The following THSD7A variants were observed in gnomAD, a reference collection of about 807,000 sequenced individuals.
The protein encoded by THSD7A is thrombospondin type 1 domain containing 7A.
THSD7A carries 96 observed loss-of-function variants against 231.3 expected under a neutral mutation model. That is an observed-to-expected ratio of 0.41 (90% CI 0.35 to 0.49). THSD7A has a LOEUF of 0.49. THSD7A is among the 20% of genes least tolerant of loss of function. The pLI, the probability that THSD7A is intolerant of heterozygous loss-of-function variation, is 0.05. For missense variants in THSD7A, 2,290 were observed against 2,070.2 expected (o/e 1.11, Z -2.06); for synonymous variants, 940 against 743.3 (o/e 1.26, Z -4.30).
Position 11,406,533 on chromosome 7 carries a change from A to C in THSD7A, c.4063-59T>G. 1.4e-6 allele frequency: 2 copies of C among 1,474,188 alleles called. No individual in the cohort carries two copies. Among genetic ancestry groups the C allele is most frequent in the South Asian group, 1.4e-5 (1 of 72,850 alleles). 91.3% of individuals were successfully genotyped at this position (1,474,188 alleles called of 1,614,324 possible). A position where few individuals can be genotyped will look rare whatever the true frequency, so the allele number is the denominator to read the frequency against. ...AGAGAAATACTTCATTAGAGAGCTC[A>C]TCACTTAGTTATCTCTGCACCACTG... is the stretch of plus-strand genomic sequence containing the variant. On this transcript the variant is annotated intron_variant, in intron 21 of 27. Transcript: ENST00000423059. The surrounding 1 kb of genome is among the most constrained non-coding windows in gnomAD (Gnocchi z 4.7).
intron 1 of THSD7A, among the ~76,000 whole-genome samples, chr7:11,798,873 A>G (rs975736849): frequency 6.6e-6 from 1 of 151,906 alleles, no homozygotes; most frequent in Non-Finnish European, 1.5e-5. Flanking sequence ...TTTCCTGCCT[A>G]TTTATCTATT....
chr7:11,812,787 T>A (rs555688679), intron 1 of THSD7A, among the ~76,000 whole-genome samples: 14 of 152,188 alleles, frequency 9.2e-5, no homozygotes, highest in Non-Finnish European at 1.9e-4. Flanking sequence ...TATAGAAAAT[T>A]TCATTTTTAG....
intron 6 of THSD7A, among the ~76,000 whole-genome samples, chr7:11,504,466 T>A (rs995276263): frequency 6.6e-6 from 1 of 152,264 alleles, no homozygotes; most frequent in Middle Eastern, 3.4e-3. Context: ...TCATCACATG[T>A]AGGCCCAAAC....
chr7:11,408,413 G>A (rs1448194345), intron 19 of THSD7A, among the ~76,000 whole-genome samples: 2 of 151,624 alleles, frequency 1.3e-5, no homozygotes, highest in Admixed American at 6.6e-5. Flanking sequence ...CAGGAGAATT[G>A]CTTGAACCCA....
chr7:11,592,271 T>G (rs1272613752), intron 3 of THSD7A, among the ~76,000 whole-genome samples: 2 of 152,200 alleles, frequency 1.3e-5, no homozygotes, highest in Non-Finnish European at 1.5e-5. Context: ...CTATTTTTTT[T>G]GTTGTTGTTA....
Position 11,719,624 on chromosome 7 carries a change from T to G in THSD7A, c.191-82663A>C, listed in dbSNP as rs573669020. Among the ~76,000 whole-genome samples the G allele has an allele frequency of 2.5e-4, 38 of 151,676 alleles. No homozygotes were observed. The South Asian group carries it at 7.5e-3, about 30-fold the overall frequency. On this transcript the variant is annotated intron_variant, in intron 1 of 27. Coordinates refer to ENST00000423059, the MANE Select transcript of THSD7A (RefSeq NM_015204.3). ...CATGCCCAGTGATCCCCTCAATGAG[T>G]TATTTTTCTCCTCCTCAACTCCACT...
chr7:11,379,698 TCAC>T lies in THSD7A; in HGVS notation c.4519_4521del (p.Val1507del). On this transcript the variant is annotated inframe_deletion, in exon 25 of 28. Coordinates refer to ENST00000423059, the MANE Select transcript of THSD7A (RefSeq NM_015204.3). Reference sequence around the variant, plus strand: ...GACCTGTCGGCATCAGGCTGGCTCATCACCAAGCAGCCCCCTGCGGAACAGAAA... The same window carrying T: ...GACCTGTCGGCATCAGGCTGGCTCATCAAGCAGCCCCCTGCGGAACAGAAA... The T allele has an allele frequency of 6.3e-7, 1 of 1,590,540 alleles. No individual in the cohort carries two copies. Among genetic ancestry groups the T allele is most frequent in the Non-Finnish European group, 8.6e-7 (1 of 1,167,606 alleles).
Position 11,395,594 on chromosome 7 carries a change from C to G in THSD7A, c.4411+6201G>C, listed in dbSNP as rs1783153198. Among the ~76,000 whole-genome samples, 5 of 150,668 alleles carry G rather than the reference C, an allele frequency of 3.3e-5. No homozygotes were observed. In the South Asian group the frequency reaches 1.1e-3, roughly 32 times the overall value. ...CCAGGCTGTAGTGCAGTGGCACTATCTCAGCTCACTGCAACCTCCACCTCC... is the reference window on the plus strand; with the variant it reads ...CCAGGCTGTAGTGCAGTGGCACTATGTCAGCTCACTGCAACCTCCACCTCC... On this transcript the variant is annotated intron_variant, in intron 23 of 27. Coordinates refer to ENST00000423059, the MANE Select transcript of THSD7A (RefSeq NM_015204.3).
intron 22 of THSD7A, among the ~76,000 whole-genome samples, chr7:11,405,815 C>T (rs1783562638): frequency 6.6e-6 from 1 of 152,044 alleles, no homozygotes; most frequent in African/African-American, 2.4e-5. Context: ...AATTATTTTT[C>T]TATATTTTAT....
At chr7:11,533,934 T>C (rs1788808364) in intron 6 of THSD7A, among the ~76,000 whole-genome samples, 1 of 152,186 alleles carries the variant, frequency 6.6e-6, no homozygotes, top group Non-Finnish European at 1.5e-5. Flanking sequence ...GAATGCTTCC[T>C]GTTTTTCTCA....
At chr7:11,509,159 T>A (rs939774643) in intron 6 of THSD7A, among the ~76,000 whole-genome samples, 14 of 152,224 alleles carry the variant, frequency 9.2e-5, no homozygotes, top group South Asian at 2.1e-4. Context: ...TATTAACTTT[T>A]AAATTTAACT....
rs772818271 is a variant in THSD7A at position 11,636,751 on chromosome 7, G to A, written c.401C>T (p.Pro134Leu). 4 of 1,613,780 alleles carry A rather than the reference G, an allele frequency of 2.5e-6. No individual in the cohort carries two copies. The highest frequency in any genetic ancestry group is 1.3e-5 in the African/African-American group (1 of 74,902). The change falls in exon 2 of 28, where the codon CCC becomes CTC. Residue 134 changes from proline to leucine, a missense_variant. Coordinates refer to ENST00000423059, the MANE Select transcript of THSD7A (RefSeq NM_015204.3). This position sits in a 1 kb window ranked among gnomAD's most constrained non-coding sequence, Gnocchi z 10.0. Reference protein sequence around the residue: ...WRLGPWNQCQPVISKSLEKPL... With the variant: ...WRLGPWNQCQLVISKSLEKPL... Reference sequence around the variant, plus strand: ...TTTCTCTAGGCTTTTTGAAATCACGGGCTGACACTGATTCCAAGGTCCCAG... The same window carrying A: ...TTTCTCTAGGCTTTTTGAAATCACGAGCTGACACTGATTCCAAGGTCCCAG...
intron 1 of THSD7A, among the ~76,000 whole-genome samples, chr7:11,731,184 C>T (rs1222676297): frequency 6.6e-6 from 1 of 151,458 alleles, no homozygotes; most frequent in Non-Finnish European, 1.5e-5. Context: ...TTTCCTTATG[C>T]TATATAGTGT....
At chr7:11,481,764 T>C (rs1786432814) in intron 7 of THSD7A, 24 bp downstream of exon 7, 4 of 1,570,252 alleles carry the variant, frequency 2.5e-6, no homozygotes, top group Non-Finnish European at 3.5e-6. Flanking sequence ...CGAACCTAGA[T>C]GGCGTCTGAA....
At chr7:11,729,029 C>A (rs75376804) in intron 1 of THSD7A, among the ~76,000 whole-genome samples, 1,648 of 151,820 alleles carry the variant, frequency 0.011, 16 homozygotes, top group Non-Finnish European at 0.018. Context: ...AGAAACATTT[C>A]TTCTGCCCTG....
chr7:11,406,970 G>A lies in THSD7A; in HGVS notation c.4002C>T (p.Pro1334=), dbSNP rs1783603628. ...PCPSLMDQSK[P]CPVKPCYRWQ... ...ACCGATAACAAGGCTTCACTGGGCA[G>A]GGTTTGGACTGGTCCATCAGGGAAG... Residue 1334 remains proline (P), a synonymous_variant, in exon 21 of 28, where the codon CCC becomes CCT. Coordinates refer to ENST00000423059, the MANE Select transcript of THSD7A (RefSeq NM_015204.3). The surrounding 1 kb of genome is among the most constrained non-coding windows in gnomAD (Gnocchi z 4.7). 2 of 1,613,788 alleles carry A rather than the reference G, an allele frequency of 1.2e-6. No homozygotes were observed. Among genetic ancestry groups the A allele is most frequent in the African/African-American group, 1.3e-5 (1 of 74,914 alleles).
At chr7:11,458,734 A>C (rs1050561392) in intron 11 of THSD7A, among the ~76,000 whole-genome samples, 1 of 152,166 alleles carries the variant, frequency 6.6e-6, no homozygotes, top group Non-Finnish European at 1.5e-5. Flanking sequence ...TCACTACTAC[A>C]AGGTGGCCAC....
At chr7:11,552,325 A>T (rs1391579518) in intron 4 of THSD7A, among the ~76,000 whole-genome samples, 1 of 152,080 alleles carries the variant, frequency 6.6e-6, no homozygotes, top group Non-Finnish European at 1.5e-5. Context: ...TTAGAAAAAA[A>T]ATACACACAC....
At chr7:11,629,933 C>T (rs1040201884) in intron 2 of THSD7A, among the ~76,000 whole-genome samples, 1 of 152,210 alleles carries the variant, frequency 6.6e-6, no homozygotes, top group South Asian at 2.1e-4. Context: ...ATTGCCTATC[C>T]CAGAACACGT....
Sources: gnomAD v4.1 joint callset for allele counts (sites outside exome capture counted in the v4.1 genomes callset) on GRCh38, gnomAD v4.1.1 for gene constraint, Gnocchi (gnomAD v3.1) non-coding constraint, MANE v1.5 for transcripts, NCBI Gene and HGNC (gene_info 2026-07-23, HGNC 2026-07-21) for gene names.